The following MBOAT2 variants were observed in gnomAD, a reference collection of about 807,000 sequenced individuals.
MBOAT2 encodes the protein membrane bound glycerophospholipid O-acyltransferase 2.
Under a neutral mutation model 63.4 loss-of-function variants are expected in MBOAT2, and 28 were observed. The ratio of observed to expected loss-of-function variants is 0.44; its 90% CI spans 0.33 to 0.61. The LOEUF is 0.61. Ranked by LOEUF, MBOAT2 falls within the 20% of genes least tolerant of loss-of-function variation. MBOAT2 has a pLI of 0.03. For synonymous variants in MBOAT2, 211 were observed against 215.6 expected (o/e 0.98, Z 0.19); for missense variants, 470 against 605.8 (o/e 0.78, Z 2.35).
At chr2:8,872,954 A>G (rs1558558151) in intron 8 of MBOAT2, among the ~76,000 whole-genome samples, 154 bp downstream of exon 8, 2 of 152,258 alleles carry the variant, frequency 1.3e-5, no homozygotes, top group Non-Finnish European at 2.9e-5. Context: ...ATATACTTAC[A>G]TATGAGTTGC....
At chr2:8,964,861 T>C (rs1464673419) in intron 1 of MBOAT2, among the ~76,000 whole-genome samples, 1 of 152,264 alleles carries the variant, frequency 6.6e-6, no homozygotes, top group East Asian at 1.9e-4. Flanking sequence ...ATTTTTCTTA[T>C]GTCTATTGGA....
intron 1 of MBOAT2, among the ~76,000 whole-genome samples, chr2:8,991,790 C>T (rs777939454): frequency 6.6e-6 from 1 of 152,132 alleles, no homozygotes; most frequent in Non-Finnish European, 1.5e-5. Flanking sequence ...CCTGTTTTCA[C>T]AAAAAATCCA....
intron 6 of MBOAT2, among the ~76,000 whole-genome samples, chr2:8,877,774 A>G (rs1301632492): frequency 6.6e-6 from 1 of 152,176 alleles, no homozygotes; most frequent in Non-Finnish European, 1.5e-5. Flanking sequence ...GGAAGAAGTG[A>G]GAGGAGTTGT....
intron 3 of MBOAT2, among the ~76,000 whole-genome samples, chr2:8,938,474 C>T (rs927587259): frequency 2.0e-5 from 3 of 152,136 alleles, no homozygotes; most frequent in Admixed American, 6.5e-5. Context: ...TTTCATGCTG[C>T]CGTGTTTCAT....
Position 8,859,258 on chromosome 2 carries a change from A to C in MBOAT2, c.1338-354T>G, listed in dbSNP as rs572209388. 2.0e-5 allele frequency among the ~76,000 whole-genome samples: 3 copies of C among 152,356 alleles called. No homozygotes were observed. In the East Asian group the frequency reaches 5.8e-4, roughly 29 times the overall value. ...AATCCAGATAATCAAAAGTTGAGTC[A>C]ACAAAGAAAATGTGGAGATAGTTAA... On this transcript the variant is annotated intron_variant, in intron 12 of 12. Coordinates refer to ENST00000305997, the MANE Select transcript of MBOAT2 (RefSeq NM_138799.4).
chr2:8,943,558 C>T (rs1464298066), intron 2 of MBOAT2, among the ~76,000 whole-genome samples: 1 of 152,122 alleles, frequency 6.6e-6, no homozygotes, highest in Non-Finnish European at 1.5e-5. Flanking sequence ...AGGATTATAG[C>T]TTTCTTCATA....
chr2:8,966,083 C>T (rs1669958310), intron 1 of MBOAT2, among the ~76,000 whole-genome samples: 1 of 152,144 alleles, frequency 6.6e-6, no homozygotes, highest in Non-Finnish European at 1.5e-5. Flanking sequence ...AGGTGAACAG[C>T]CAGTCTTTGT....
chr2:8,965,835 A>G (rs1014285510), intron 1 of MBOAT2, among the ~76,000 whole-genome samples: 1 of 152,164 alleles, frequency 6.6e-6, no homozygotes, highest in Admixed American at 6.5e-5. Flanking sequence ...TTATCTCCAC[A>G]TCAGAATTAA....
At chr2:8,869,423 A>G (rs774760829) in intron 8 of MBOAT2, among the ~76,000 whole-genome samples, 11 of 152,140 alleles carry the variant, frequency 7.2e-5, no homozygotes, top group Non-Finnish European at 1.3e-4. Flanking sequence ...TTAAGCTGCA[A>G]AAAAAATTTC....
At chr2:8,994,370 T>C (rs555588135) in intron 1 of MBOAT2, among the ~76,000 whole-genome samples, 1 of 151,924 alleles carries the variant, frequency 6.6e-6, no homozygotes, top group East Asian at 1.9e-4. Context: ...CTTCCTGGAG[T>C]TGGAGGGGTA....
At position 8,878,051 on chromosome 2, in the gene MBOAT2, T is replaced by TG. The variant is rs1205157260; in HGVS notation, c.507-839dup. ...TCAATGCGTCACTCCAGCCCATGTG[T>TG]GGGGCTCCTGCGGTCTCCAGGCAGG... On this transcript the variant is annotated intron_variant, in intron 6 of 12. Transcript: ENST00000305997. 2.0e-5 allele frequency among the ~76,000 whole-genome samples: 3 copies of TG among 152,122 alleles called. No homozygotes were observed. In the East Asian group the frequency reaches 5.8e-4, roughly 29 times the overall value.
chr2:8,857,148 AAAAG>A lies in MBOAT2; in HGVS notation c.*1527_*1530del, dbSNP rs1016315420. The A allele has an allele frequency of 1.8e-4, 28 of 152,594 alleles. No individual in the cohort carries two copies. Among genetic ancestry groups the A allele is most frequent in the African/African-American group, 6.3e-4 (26 of 41,456 alleles). The allele number at this position is 152,594 out of a possible 1,614,324, so 9.5% of individuals were successfully genotyped here. On this transcript the variant is annotated 3_prime_UTR_variant, in exon 13 of 13. Coordinates refer to ENST00000305997, the MANE Select transcript of MBOAT2 (RefSeq NM_138799.4). The stretch of plus-strand genomic sequence containing the variant: ...TTATTAGTGACTCCACCCCCCGAAA[AAAAG>A]AGAGAGAGAACCCCATCACAGAAAA...
chr2:8,942,327 A>G (rs575938631), intron 3 of MBOAT2, among the ~76,000 whole-genome samples: 1 of 152,360 alleles, frequency 6.6e-6, no homozygotes, highest in South Asian at 2.1e-4. Context: ...ATTCAGAAAT[A>G]TGGTACCTAG....
In MBOAT2 at chr2:8,931,796, T is replaced by C. The variant is rs1034354129; in HGVS notation, c.299+11391A>G. Among the ~76,000 whole-genome samples the C allele has an allele frequency of 3.9e-5, 6 of 152,166 alleles. No individual in the cohort carries two copies. The East Asian group carries it at 1.2e-3, about 29-fold the overall frequency. On this transcript the variant is annotated intron_variant, in intron 3 of 12. Transcript: ENST00000305997. ...AAGGAAGGGATCCAGATTCAATTTT[T>C]TGCACATGGCTAGCCTGTTTTTCAA...
At chr2:8,880,481 G>A (rs1663030596) in intron 6 of MBOAT2, among the ~76,000 whole-genome samples, 1 of 152,222 alleles carries the variant, frequency 6.6e-6, no homozygotes, top group African/African-American at 2.4e-5. Context: ...CGAGCTGCCT[G>A]TCACTATCCA....
chr2:8,902,999 G>T (rs951381651), intron 4 of MBOAT2, among the ~76,000 whole-genome samples: 1 of 152,120 alleles, frequency 6.6e-6, no homozygotes, highest in African/African-American at 2.4e-5. Flanking sequence ...GTTTTATAGA[G>T]TGCTGATTGG....
rs76187758 is a variant in MBOAT2, at chr2:8,988,995, G to T, written c.75+14545C>A. Among the ~76,000 whole-genome samples, 1,045 of 152,320 alleles carry T rather than the reference G, an allele frequency of 6.9e-3. 18 individuals are homozygous for T. The highest frequency in any genetic ancestry group is 0.024 in the African/African-American group (1,001 of 41,572). On this transcript the variant is annotated intron_variant, in intron 1 of 12. Transcript: ENST00000305997. ...AGTCTTAGAATGTTTTAATAAGATA[G>T]TTCCTATTGTTTTGAATCTATGGAG...
intron 6 of MBOAT2, among the ~76,000 whole-genome samples, chr2:8,881,155 C>T (rs1663101664): frequency 6.6e-6 from 1 of 152,098 alleles, no homozygotes; most frequent in East Asian, 1.9e-4. Context: ...GAGAAGCTGG[C>T]CTTCGATTAG....
At chr2:8,924,327 G>A (rs1438971896) in intron 3 of MBOAT2, among the ~76,000 whole-genome samples, 1 of 152,054 alleles carries the variant, frequency 6.6e-6, no homozygotes, top group Non-Finnish European at 1.5e-5. Context: ...CCAGATTCTG[G>A]TGTCTGGTAA....
Sources: allele counts gnomAD v4.1 joint callset (sites outside exome capture counted in the v4.1 genomes callset), GRCh38; gene constraint gnomAD v4.1.1; transcripts MANE v1.5; gene names NCBI Gene and HGNC (gene_info 2026-07-23, HGNC 2026-07-21).